SPECC1L: variants seen among roughly 807,000 people sequenced by gnomAD.
The protein encoded by SPECC1L is sperm antigen with calponin homology and coiled-coil domains 1 like.
In SPECC1L, 40 loss-of-function variants were observed where a neutral mutation model predicts 116.8. That is an observed-to-expected ratio of 0.34 (90% CI 0.27 to 0.45). The LOEUF (loss-of-function observed/expected upper bound fraction) is 0.45. Ranked by LOEUF, SPECC1L falls within the 20% of genes least tolerant of loss-of-function variation. The pLI is 1.00. For synonymous variants in SPECC1L, 504 were observed against 500.6 expected (o/e 1.01, Z -0.09); for missense variants, 1,110 against 1,373.6 (o/e 0.81, Z 3.03).
In SPECC1L at chr22:24,309,559, C is replaced by A. The variant is rs1447516859; in HGVS notation, c.154-3754C>A. Among the ~76,000 whole-genome samples, 6 of 152,130 alleles carry A rather than the reference C, an allele frequency of 3.9e-5. No individual in the cohort carries two copies. The South Asian group carries it at 1.0e-3, about 26-fold the overall frequency. ...GGGGTTACAGGCACATGCTGCCACA[C>A]CCAGCTAATTTTTGTATTTTTAGTA... On this transcript the variant is annotated intron_variant, in intron 3 of 16. Transcript: ENST00000314328.
At chr22:24,366,353 C>T (rs1382270470) in intron 13 of SPECC1L, among the ~76,000 whole-genome samples, 1 of 152,064 alleles carries the variant, frequency 6.6e-6, no homozygotes, top group Non-Finnish European at 1.5e-5. Context: ...GCCACCTCGC[C>T]CGGCTAATTT....
intron 3 of SPECC1L, among the ~76,000 whole-genome samples, chr22:24,305,292 T>C (rs117653747): frequency 1.3e-5 from 2 of 152,306 alleles, no homozygotes; most frequent in East Asian, 3.9e-4. Context: ...ACAGAACATA[T>C]GTGCCCCTCA....
At chr22:24,388,903 C>G (rs1303669104) in intron 14 of SPECC1L, among the ~76,000 whole-genome samples, 1 of 152,146 alleles carries the variant, frequency 6.6e-6, no homozygotes, top group Non-Finnish European at 1.5e-5. Context: ...AGTATATGCA[C>G]AGAGTTGTAT....
intron 8 of SPECC1L, among the ~76,000 whole-genome samples, chr22:24,331,432 T>A (rs999581618): frequency 6.6e-6 from 1 of 152,254 alleles, no homozygotes; most frequent in Non-Finnish European, 1.5e-5. Flanking sequence ...ATTACATTAC[T>A]TTTTTCTCTT....
intron 4 of SPECC1L, among the ~76,000 whole-genome samples, chr22:24,314,661 C>T (rs1402952952): frequency 4.6e-5 from 7 of 152,130 alleles, no homozygotes; most frequent in Admixed American, 2.6e-4. Context: ...ATTTTTATAT[C>T]GTAATACCCC....
At chr22:24,279,664 C>T (rs1208550960) in intron 2 of SPECC1L, among the ~76,000 whole-genome samples, 1 of 151,888 alleles carries the variant, frequency 6.6e-6, no homozygotes, top group Non-Finnish European at 1.5e-5. Flanking sequence ...CTCACTGCAG[C>T]CTCCACCTCC....
intron 1 of SPECC1L, among the ~76,000 whole-genome samples, chr22:24,271,311 T>C (rs1381447847): frequency 6.6e-6 from 1 of 152,204 alleles, no homozygotes; most frequent in Non-Finnish European, 1.5e-5. Context: ...GGTGCGACCC[T>C]CGTGCTTGCC....
At chr22:24,385,137 AT>A (rs1308252180) in intron 14 of SPECC1L, among the ~76,000 whole-genome samples, 1 of 151,912 alleles carries the variant, frequency 6.6e-6, no homozygotes, top group Non-Finnish European at 1.5e-5. Flanking sequence ...ACATGTTGAA[AT>A]GATCATATTT....
chr22:24,318,339 C>T (rs1042357031), intron 4 of SPECC1L, among the ~76,000 whole-genome samples: 21 of 152,310 alleles, frequency 1.4e-4, no homozygotes, highest in African/African-American at 3.8e-4. Context: ...GCCAACACAG[C>T]GAAACCCCGT....
At chr22:24,375,420 G>A (rs2041952816) in intron 14 of SPECC1L, among the ~76,000 whole-genome samples, 1 of 152,092 alleles carries the variant, frequency 6.6e-6, no homozygotes, top group Admixed American at 6.5e-5. Flanking sequence ...ATATCCAGCA[G>A]TATATTAAAG....
chr22:24,362,332 T>C (rs1366537575), intron 11 of SPECC1L, among the ~76,000 whole-genome samples: 2 of 151,888 alleles, frequency 1.3e-5, no homozygotes, highest in South Asian at 2.1e-4. Context: ...TAGGAGGGAA[T>C]AGAGGAGGAG....
Position 24,414,597 on chromosome 22 carries a change from G to T in SPECC1L, c.3328G>T (p.Ala1110Ser). The T allele has an allele frequency of 6.2e-7, 1 of 1,614,044 alleles. No homozygotes were observed. Among genetic ancestry groups the T allele is most frequent in the South Asian group, 1.1e-5 (1 of 91,086 alleles). Residue 1110 changes from alanine (A) to serine (S), a missense_variant, in exon 17 of 17, where the codon GCG (alanine) becomes TCG (serine). Ala to Ser is a moderately conservative substitution (Grantham distance 99, BLOSUM62 1). Transcript: ENST00000314328. ...GCAGAACGTGATGCTGTATGTGACG[G>T]CGATCTACAAGTACTTTGAGACCTG... ...DWQNVMLYVTAIYKYFET is the reference protein window; with the variant it reads ...DWQNVMLYVTSIYKYFET
chr22:24,362,653 T>C (rs1397081196), intron 11 of SPECC1L, among the ~76,000 whole-genome samples: 1 of 152,182 alleles, frequency 6.6e-6, no homozygotes, highest in Non-Finnish European at 1.5e-5. Context: ...CCTTTATTAT[T>C]CTCTAACTTG....
chr22:24,313,266 A>T, intron 3 of SPECC1L, 47 bp from the exon 4 acceptor site: 1 of 1,604,020 alleles, frequency 6.2e-7, no homozygotes. Flanking sequence ...AAAATATCTA[A>T]TCTTGCTTGA....
At position 24,363,485 on chromosome 22, in the gene SPECC1L, C is replaced by T. The variant is rs906446044; in HGVS notation, c.2827+141C>T. The T allele has an allele frequency of 2.2e-5, 17 of 770,476 alleles. No homozygotes were observed. The South Asian group carries it at 2.5e-4, about 11-fold the overall frequency. 47.7% of individuals were successfully genotyped at this position (770,476 alleles called of 1,614,324 possible). ...CAAGCTGTCCTCTCACCTTGGCCTT[C>T]CAAAGTGCTGGGATTACAGGTGTGA... is the stretch of plus-strand genomic sequence containing the variant. On this transcript the variant is annotated intron_variant, in intron 12 of 16. Coordinates refer to ENST00000314328, the MANE Select transcript of SPECC1L (RefSeq NM_015330.6).
At position 24,415,255 on chromosome 22, in the gene SPECC1L, C is replaced by A. The variant is rs141364674; in HGVS notation, c.*632C>A. The A allele has an allele frequency of 6.4e-6, 1 of 155,392 alleles. No individual in the cohort carries two copies. The highest frequency in any genetic ancestry group is 1.4e-5 in the Non-Finnish European group (1 of 69,804). 9.6% of individuals were successfully genotyped at this position (155,392 alleles called of 1,614,324 possible). ...GTATCTAGAGGGCGTGGTGCGGGCA[C>A]GCCAGGGCTGGGGTGCTGCTGCTGC... On this transcript the variant is annotated 3_prime_UTR_variant, in exon 17 of 17. Coordinates refer to ENST00000314328, the MANE Select transcript of SPECC1L (RefSeq NM_015330.6).
intron 14 of SPECC1L, among the ~76,000 whole-genome samples, chr22:24,372,839 C>T (rs1243649418): frequency 6.6e-6 from 1 of 152,198 alleles, no homozygotes; most frequent in Non-Finnish European, 1.5e-5. Context: ...CAAATTGTCC[C>T]TGTTTGCAGA....
At chr22:24,404,156 G>A (rs1393384485) in intron 14 of SPECC1L, among the ~76,000 whole-genome samples, 2 of 152,082 alleles carry the variant, frequency 1.3e-5, no homozygotes, top group Non-Finnish European at 1.5e-5. Flanking sequence ...CCAACCCCCA[G>A]CCCTTCCCTG....
intron 11 of SPECC1L, among the ~76,000 whole-genome samples, chr22:24,356,699 G>A (rs1002219515): frequency 3.9e-5 from 6 of 151,928 alleles, no homozygotes; most frequent in Admixed American, 1.3e-4. Flanking sequence ...CCACCTTGTC[G>A]TGTTTTGTAT....
Sources: allele counts gnomAD v4.1 joint callset (sites outside exome capture counted in the v4.1 genomes callset), GRCh38; gene constraint gnomAD v4.1.1; transcripts MANE v1.5; gene names NCBI Gene and HGNC (gene_info 2026-07-23, HGNC 2026-07-21).